Variants in RPF2 observed in about 807,000 individuals in gnomAD.
RPF2 encodes ribosome production factor 2 homolog, also known as brix domain containing 1.
Under a neutral mutation model 38.9 loss-of-function variants are expected in RPF2, and 21 were observed. The observed-to-expected ratio is 0.54, with a 90% CI of 0.38 to 0.78. The LOEUF (loss-of-function observed/expected upper bound fraction) is 0.78, where lower values mean the gene tolerates loss of function less well. Ranked by LOEUF, RPF2 falls within the 30% of genes least tolerant of loss-of-function variation. The pLI is 0.00. For synonymous variants in RPF2, 121 were observed against 126.2 expected (o/e 0.96, Z 0.28); for missense variants, 314 against 358.1 (o/e 0.88, Z 0.99).
chr6:111,017,647 A>G (rs1197086277), intron 8 of RPF2, among the ~76,000 whole-genome samples: 3 of 143,948 alleles, frequency 2.1e-5, no homozygotes, highest in Admixed American at 2.1e-4. Context: ...CCCACATCTC[A>G]GACGATGGGC....
At chr6:111,023,519 G>A (rs1487845950) in intron 8 of RPF2, among the ~76,000 whole-genome samples, 1 of 151,868 alleles carries the variant, frequency 6.6e-6, no homozygotes, top group East Asian at 1.9e-4. Flanking sequence ...CAAATCAAAG[G>A]ATTTTATTTC....
intron 4 of RPF2, among the ~76,000 whole-genome samples, chr6:110,996,797 G>A (rs1326290068): frequency 1.3e-5 from 2 of 151,960 alleles, no homozygotes; most frequent in African/African-American, 4.8e-5. Flanking sequence ...AGAGTTTTTT[G>A]TTTCGTTTTG....
chr6:110,984,464 A>G (rs1368631634), intron 1 of RPF2, among the ~76,000 whole-genome samples: 3 of 152,226 alleles, frequency 2.0e-5, no homozygotes, highest in African/African-American at 7.2e-5. Flanking sequence ...TGGGAATACA[A>G]AAATGAAAGC....
chr6:110,985,713 G>A (rs536508032), intron 2 of RPF2, among the ~76,000 whole-genome samples: 1 of 152,280 alleles, frequency 6.6e-6, no homozygotes, highest in African/African-American at 2.4e-5. Flanking sequence ...GCCGAGGCAG[G>A]AGGATCACGA....
Position 111,026,060 on chromosome 6 carries a change from T to C in RPF2, c.*478T>C, listed in dbSNP as rs896629709. ...ATCCTACTCGTTGACATTTGAGATT[T>C]TAAGCTTTGTGGCTGAAAATATATA... On this transcript the variant is annotated 3_prime_UTR_variant, in exon 10 of 10. Coordinates refer to ENST00000441448, the MANE Select transcript of RPF2 (RefSeq NM_032194.3). 6.6e-6 allele frequency: 1 copy of C among 152,540 alleles called. No individual in the cohort carries two copies. The highest frequency in any genetic ancestry group is 1.5e-5 in the Non-Finnish European group (1 of 68,300). 9.4% of individuals were successfully genotyped at this position (152,540 alleles called of 1,614,324 possible). A position where few individuals can be genotyped will look rare whatever the true frequency, so the allele number is the denominator to read the frequency against.
At chr6:111,025,368 A>C in intron 9 of RPF2, 35 bp from the exon 10 acceptor site, 1 of 1,419,396 alleles carries the variant, frequency 7.0e-7, no homozygotes, top group Non-Finnish European at 9.8e-7. Context: ...TTATAGTAGA[A>C]GGCCATTAAA....
chr6:111,008,392 C>CT (rs35672945), intron 7 of RPF2, among the ~76,000 whole-genome samples: 3 of 151,264 alleles, frequency 2.0e-5, no homozygotes, highest in African/African-American at 4.8e-5. Context: ...CTTTTTCCTC[C>CT]TTTTTTTGGA....
At chr6:110,985,444 G>A (rs1771508272) in intron 2 of RPF2, among the ~76,000 whole-genome samples, 1 of 151,948 alleles carries the variant, frequency 6.6e-6, no homozygotes. Context: ...TACATTTTAG[G>A]AAAAAATCTA....
chr6:110,993,540 T>C (rs1267604589), intron 4 of RPF2, among the ~76,000 whole-genome samples: 1 of 152,226 alleles, frequency 6.6e-6, no homozygotes, highest in Non-Finnish European at 1.5e-5. Flanking sequence ...CTCTTTCATA[T>C]AGTACTTAAT....
intron 4 of RPF2, among the ~76,000 whole-genome samples, chr6:110,994,627 G>A (rs1466649191): frequency 6.6e-6 from 1 of 151,614 alleles, no homozygotes; most frequent in African/African-American, 2.4e-5. Flanking sequence ...ACAAAAGAAT[G>A]AGCCTAAAAT....
intron 8 of RPF2, among the ~76,000 whole-genome samples, chr6:111,017,806 G>A (rs897925130): frequency 2.0e-5 from 3 of 151,580 alleles, no homozygotes; most frequent in Non-Finnish European, 4.4e-5. Flanking sequence ...CTTCCCAGAC[G>A]GGGTGGCGGC....
Position 111,027,706 on chromosome 6 carries a change from C to T in RPF2, c.*2124C>T, listed in dbSNP as rs1395354832. ...ATCAGCCCTCTTGTTTGAGATTTGG[C>T]AATACATTTCTGTTTTCTAGGTAAT... On this transcript the variant is annotated 3_prime_UTR_variant, in exon 10 of 10. Transcript: ENST00000441448. The T allele has an allele frequency of 6.6e-6, 1 of 152,176 alleles. No homozygotes were observed. Among genetic ancestry groups the T allele is most frequent in the East Asian group, 1.9e-4 (1 of 5,198 alleles). The allele number at this position is 152,176 out of a possible 1,614,324, so 9.4% of individuals were successfully genotyped here. A position where few individuals can be genotyped will look rare whatever the true frequency, so the allele number is the denominator to read the frequency against.
chr6:111,006,006 A>G (rs975060793), intron 6 of RPF2, among the ~76,000 whole-genome samples: 2 of 151,928 alleles, frequency 1.3e-5, no homozygotes, highest in Non-Finnish European at 2.9e-5. Context: ...GGGTTTTACC[A>G]TGTTGTCCAG....
chr6:111,016,610 A>AC (rs1183871565), intron 8 of RPF2, among the ~76,000 whole-genome samples: 2,505 of 150,964 alleles, frequency 0.017, 78 homozygotes, highest in African/African-American at 0.059. Context: ...CAAAAAACAA[A>AC]AAACTCTTAA....
chr6:110,987,311 G>A (rs1041953984), intron 2 of RPF2, among the ~76,000 whole-genome samples: 3 of 152,106 alleles, frequency 2.0e-5, no homozygotes, highest in African/African-American at 7.2e-5. Context: ...TGTCCGCCTC[G>A]GCCTCCCAAA....
intron 3 of RPF2, among the ~76,000 whole-genome samples, chr6:110,989,856 T>C (rs151131823): frequency 2.5e-4 from 38 of 151,890 alleles, no homozygotes; most frequent in Non-Finnish European, 3.7e-4. Flanking sequence ...CTTCTGACTT[T>C]AGGTGATCTG....
chr6:110,985,935 CA>C (rs71770271), intron 2 of RPF2, among the ~76,000 whole-genome samples: 9,665 of 104,458 alleles, frequency 0.093, 856 homozygotes, highest in African/African-American at 0.27. Context: ...GACTCCATTT[CA>C]AAAAAAAAAA....
intron 6 of RPF2, among the ~76,000 whole-genome samples, chr6:111,002,100 T>C (rs540701848): frequency 6.6e-6 from 1 of 152,148 alleles, no homozygotes; most frequent in South Asian, 2.1e-4. Flanking sequence ...GCCAACATGG[T>C]GAAGCCCCAT....
intron 8 of RPF2, among the ~76,000 whole-genome samples, chr6:111,016,431 A>T (rs1045912249): frequency 1.3e-5 from 2 of 151,762 alleles, no homozygotes; most frequent in Admixed American, 6.6e-5. Context: ...CATCTCTACT[A>T]AAAAAAACCA....
Sources: allele counts gnomAD v4.1 joint callset (sites outside exome capture counted in the v4.1 genomes callset), GRCh38; gene constraint gnomAD v4.1.1; transcripts MANE v1.5; gene names NCBI Gene and HGNC (gene_info 2026-07-23, HGNC 2026-07-21).